The following CSRNP3 variants were observed in gnomAD, a reference collection of about 807,000 sequenced individuals.
The protein encoded by CSRNP3 is cysteine/serine-rich nuclear protein 3.
CSRNP3 carries 12 observed loss-of-function variants against 48.0 expected under a neutral mutation model. That is an observed-to-expected ratio of 0.25 (90% CI 0.16 to 0.41). CSRNP3 has a LOEUF of 0.41. Ranked by LOEUF, CSRNP3 falls within the 10% of genes least tolerant of loss-of-function variation. The pLI is 1.00. For missense variants in CSRNP3, 580 were observed against 724.4 expected (o/e 0.80, Z 2.29); for synonymous variants, 263 against 269.7 (o/e 0.98, Z 0.24).
chr2:165,687,488 T>C lies in CSRNP3; in HGVS notation c.*7735T>C, dbSNP rs1448167629. On this transcript the variant is annotated 3_prime_UTR_variant, in exon 7 of 7. Transcript: ENST00000651982. ...TACAAAAAGTAAGCATTTTCTACATTCTTACTTCTAAGTAATGACCTTCTC... is the reference window on the plus strand; with the variant it reads ...TACAAAAAGTAAGCATTTTCTACATCCTTACTTCTAAGTAATGACCTTCTC... 3.3e-5 allele frequency: 5 copies of C among 152,258 alleles called. No homozygotes were observed. The highest frequency in any genetic ancestry group is 7.4e-5 in the Non-Finnish European group (5 of 68,006). The allele number at this position is 152,258 out of a possible 1,614,324, so 9.4% of individuals were successfully genotyped here.
chr2:165,527,534 C>T (rs1165622373), intron 3 of CSRNP3, among the ~76,000 whole-genome samples: 1 of 151,880 alleles, frequency 6.6e-6, no homozygotes, highest in Non-Finnish European at 1.5e-5. Context: ...GATGTATGTG[C>T]ATGTAAGAAA....
chr2:165,557,074 A>T (rs1685169337), intron 3 of CSRNP3, among the ~76,000 whole-genome samples: 1 of 152,226 alleles, frequency 6.6e-6, no homozygotes, highest in African/African-American at 2.4e-5. Flanking sequence ...AGGGTCAGCA[A>T]ACTATGGCCT....
chr2:165,502,078 TG>T (rs1684366046), intron 2 of CSRNP3, among the ~76,000 whole-genome samples: 1 of 152,098 alleles, frequency 6.6e-6, no homozygotes, highest in Non-Finnish European at 1.5e-5. Flanking sequence ...GCTTTGAGGA[TG>T]ATTTTTACGG....
At chr2:165,482,610 C>G (rs955751142) in intron 1 of CSRNP3, among the ~76,000 whole-genome samples, 6 of 152,134 alleles carry the variant, frequency 3.9e-5, no homozygotes, top group Non-Finnish European at 8.8e-5. Flanking sequence ...ACCACAAATT[C>G]AGATTGAAGC....
rs1259243341 is a variant in CSRNP3 at position 165,681,906 on chromosome 2, A to ACAAT, written c.*2155_*2158dup. 1 of 151,044 alleles carries ACAAT rather than the reference A, an allele frequency of 6.6e-6. No homozygotes were observed. The highest frequency in any genetic ancestry group is 1.5e-5 in the Non-Finnish European group (1 of 67,834). The allele number at this position is 151,044 out of a possible 1,614,324, so 9.4% of individuals were successfully genotyped here. A position where few individuals can be genotyped will look rare whatever the true frequency, so the allele number is the denominator to read the frequency against. ...TCTCCAAAATTTTCCCCCTACTGAT[A>ACAAT]CAATCTAAAGAGCACAGGCCCAAAG... is the stretch of plus-strand genomic sequence containing the variant. On this transcript the variant is annotated 3_prime_UTR_variant, in exon 7 of 7. Coordinates refer to ENST00000651982, the MANE Select transcript of CSRNP3 (RefSeq NM_001172173.2).
At chr2:165,473,170 AGTTT>A (rs1683915801) in intron 1 of CSRNP3, among the ~76,000 whole-genome samples, 1 of 152,106 alleles carries the variant, frequency 6.6e-6, no homozygotes, top group Non-Finnish European at 1.5e-5. Context: ...TTAAAAATAC[AGTTT>A]GTTAGTCATT....
intron 3 of CSRNP3, among the ~76,000 whole-genome samples, chr2:165,536,601 T>C (rs1231295979): frequency 1.3e-5 from 2 of 151,858 alleles, no homozygotes; most frequent in East Asian, 3.8e-4. Context: ...TAAAATTACT[T>C]TTAGGATTTC....
chr2:165,652,965 T>C (rs192130948), intron 4 of CSRNP3, among the ~76,000 whole-genome samples: 1 of 152,304 alleles, frequency 6.6e-6, no homozygotes, highest in Non-Finnish European at 1.5e-5. Flanking sequence ...AAAGTAGAGC[T>C]TAATCTTCTT....
At chr2:165,638,755 A>G (rs1428440007) in intron 4 of CSRNP3, among the ~76,000 whole-genome samples, 2 of 152,166 alleles carry the variant, frequency 1.3e-5, no homozygotes, top group Non-Finnish European at 2.9e-5. Flanking sequence ...ATATATTTTT[A>G]ATATTTGAAT....
At chr2:165,481,673 A>G (rs1461313307) in intron 1 of CSRNP3, among the ~76,000 whole-genome samples, 1 of 152,142 alleles carries the variant, frequency 6.6e-6, no homozygotes, top group Non-Finnish European at 1.5e-5. Context: ...ATTTTAGAGT[A>G]TGATTTTTGT....
At chr2:165,677,583 TAAA>T (rs34615804) in intron 6 of CSRNP3, among the ~76,000 whole-genome samples, 7 of 144,658 alleles carry the variant, frequency 4.8e-5, no homozygotes, top group Admixed American at 1.4e-4. Context: ...GATTCATGAG[TAAA>T]AAAAAAAAAA....
At chr2:165,553,714 G>T (rs527393654) in intron 3 of CSRNP3, among the ~76,000 whole-genome samples, 1 of 152,050 alleles carries the variant, frequency 6.6e-6, no homozygotes, top group Non-Finnish European at 1.5e-5. Context: ...TGTCATTATG[G>T]ATGTTTATGT....
chr2:165,592,291 G>A (rs1685730495), intron 3 of CSRNP3, among the ~76,000 whole-genome samples: 1 of 152,164 alleles, frequency 6.6e-6, no homozygotes, highest in Admixed American at 6.5e-5. Flanking sequence ...TTAGGAACAG[G>A]TGTGTTTACC....
intron 4 of CSRNP3, among the ~76,000 whole-genome samples, chr2:165,611,357 C>T (rs1475127615): frequency 5.1e-5 from 4 of 78,012 alleles, no homozygotes; most frequent in African/African-American, 1.8e-4. Context: ...AACCATTTCA[C>T]GATATATGTG....
At chr2:165,664,084 G>A (rs149388132) in intron 5 of CSRNP3, among the ~76,000 whole-genome samples, 205 of 152,226 alleles carry the variant, frequency 1.3e-3, no homozygotes, top group African/African-American at 4.7e-3. Context: ...ATTCTCATAA[G>A]CTAACAAAAC....
rs1430879651 is a variant in CSRNP3 at position 165,556,626 on chromosome 2, C to G, written c.-23-38417C>G. Among the ~76,000 whole-genome samples, 3 of 151,554 alleles carry G rather than the reference C, an allele frequency of 2.0e-5. No homozygotes were observed. The East Asian group carries it at 5.8e-4, about 29-fold the overall frequency. ...AACTAGGAGAATGTAATGTGAGTGACAAAAATAGAACATTTCCAAAGGTCT... is the reference window on the plus strand; with the variant it reads ...AACTAGGAGAATGTAATGTGAGTGAGAAAAATAGAACATTTCCAAAGGTCT... On this transcript the variant is annotated intron_variant, in intron 3 of 6. Coordinates refer to ENST00000651982, the MANE Select transcript of CSRNP3 (RefSeq NM_001172173.2).
intron 4 of CSRNP3, among the ~76,000 whole-genome samples, chr2:165,650,982 T>C (rs1686893450): frequency 6.6e-6 from 1 of 152,262 alleles, no homozygotes; most frequent in African/African-American, 2.4e-5. Flanking sequence ...CTCTGTTTAC[T>C]GCTTTCTGCC....
intron 4 of CSRNP3, among the ~76,000 whole-genome samples, chr2:165,652,453 C>T (rs187478980): frequency 1.3e-5 from 2 of 150,698 alleles, no homozygotes; most frequent in Admixed American, 6.6e-5. Flanking sequence ...GAGTTGAGAT[C>T]GCACCACTGC....
chr2:165,628,935 C>T (rs1686485984), intron 4 of CSRNP3, among the ~76,000 whole-genome samples: 1 of 152,122 alleles, frequency 6.6e-6, no homozygotes, highest in Non-Finnish European at 1.5e-5. Flanking sequence ...AAAAGAAACA[C>T]TAAGGATGGG....
Sources: allele counts gnomAD v4.1 joint callset (sites outside exome capture counted in the v4.1 genomes callset), GRCh38; gene constraint gnomAD v4.1.1; transcripts MANE v1.5; gene names NCBI Gene and HGNC (gene_info 2026-07-23, HGNC 2026-07-21).